Variants in KIF25 observed in about 807,000 individuals in gnomAD.
KIF25 encodes kinesin family member 25, also known as kinesin-like protein KIF25.
In KIF25, 19 loss-of-function variants were observed where a neutral mutation model predicts 32.9. The ratio of observed to expected loss-of-function variants is 0.58; its 90% confidence interval spans 0.40 to 0.85. The LOEUF is 0.85. Among genes scored for constraint, KIF25 ranks in the 40% least tolerant of loss-of-function variants. The pLI, the probability that KIF25 is intolerant of heterozygous loss-of-function variation, is 0.00. For missense variants in KIF25, 485 were observed against 507.0 expected (o/e 0.96, Z 0.42); for synonymous variants, 225 against 213.7 (o/e 1.05, Z -0.46).
chr6:168,032,436 A>T (rs541811089), intron 7 of KIF25, among the ~76,000 whole-genome samples: 67 of 152,380 alleles, frequency 4.4e-4, no homozygotes, highest in African/African-American at 1.6e-3. Context: ...TGGAAGAGAC[A>T]TAGCCTATAG....
intron 8 of KIF25, chr6:168,035,962 G>A (rs1799019850): frequency 9.1e-6 from 3 of 327,974 alleles, no homozygotes; most frequent in Non-Finnish European, 1.8e-5. Flanking sequence ...GAGCTTGGGT[G>A]TTCGTGACTC....
At chr6:168,002,925 C>T (rs553538336) in intron 3 of KIF25, among the ~76,000 whole-genome samples, 1 of 152,318 alleles carries the variant, frequency 6.6e-6, no homozygotes, top group South Asian at 2.1e-4. Flanking sequence ...CTCACATGCA[C>T]AGCTCACAGT....
At chr6:168,010,565 G>C (rs1310230245) in intron 4 of KIF25, among the ~76,000 whole-genome samples, 1 of 152,150 alleles carries the variant, frequency 6.6e-6, no homozygotes, top group Non-Finnish European at 1.5e-5. Context: ...CCTGAAGAAT[G>C]TTCCATTTGC....
intron 4 of KIF25, among the ~76,000 whole-genome samples, chr6:168,014,305 T>C (rs1037487396): frequency 2.0e-5 from 3 of 152,222 alleles, no homozygotes; most frequent in Non-Finnish European, 4.4e-5. Context: ...TTAACATCAC[T>C]GTTTGTTGTT....
intron 12 of KIF25, among the ~76,000 whole-genome samples, chr6:168,043,476 G>A (rs892594224): frequency 7.2e-5 from 11 of 152,192 alleles, no homozygotes; most frequent in African/African-American, 1.4e-4. Context: ...CTCGGGACTC[G>A]GGGAGGCTGG....
At chr6:168,002,000 G>A (rs1411384645) in intron 2 of KIF25, among the ~76,000 whole-genome samples, 2 of 133,536 alleles carry the variant, frequency 1.5e-5, no homozygotes, top group African/African-American at 2.7e-5. Context: ...TCAGGCAGGT[G>A]AGAAAGACAC....
chr6:168,029,460 C>A, intron 5 of KIF25, 32 bp from the exon 6 acceptor site: 1 of 1,439,900 alleles, frequency 6.9e-7, no homozygotes, highest in Non-Finnish European at 9.3e-7. Context: ...CGTGGTAATA[C>A]TGTTACGTTT....
At chr6:168,044,705 C>G in intron 12 of KIF25, 122 bp from the exon 13 acceptor site, 1 of 1,030,912 alleles carries the variant, frequency 9.7e-7, no homozygotes, top group Non-Finnish European at 1.4e-6. Context: ...TGGCCACTTT[C>G]CCGCTGGGGC....
chr6:168,040,945 C>A, intron 10 of KIF25, among the ~76,000 whole-genome samples: 1 of 152,222 alleles, frequency 6.6e-6, no homozygotes, highest in East Asian at 1.9e-4. Context: ...CAAACTTGAG[C>A]TGCGTCCAAT....
chr6:168,004,759 G>A (rs1051054604), intron 4 of KIF25, among the ~76,000 whole-genome samples: 4 of 152,136 alleles, frequency 2.6e-5, no homozygotes, highest in South Asian at 2.1e-4. Flanking sequence ...TCTTCACGAC[G>A]AGGGTTCAGG....
In KIF25 at chr6:168,045,001, A is replaced by G. The variant is rs368129579; in HGVS notation, c.*5A>G. 1.3e-6 allele frequency: 2 copies of G among 1,580,252 alleles called. No individual in the cohort carries two copies. Among genetic ancestry groups the G allele is most frequent in the Middle Eastern group, 1.7e-4 (1 of 5,906 alleles). On this transcript the variant is annotated 3_prime_UTR_variant, in exon 13 of 13. Coordinates refer to ENST00000643607, the MANE Select transcript of KIF25 (RefSeq NM_030615.4). Reference sequence around the variant, plus strand: ...GGGAAGAGGAGGCCGGATTGAATGCATTAACAAGTTTTTCTCCTAAAACTG... The same window carrying G: ...GGGAAGAGGAGGCCGGATTGAATGCGTTAACAAGTTTTTCTCCTAAAACTG...
intron 9 of KIF25, 140 bp downstream of exon 9, chr6:168,038,869 G>T: frequency 1.3e-6 from 1 of 752,654 alleles, no homozygotes; most frequent in Non-Finnish European, 2.1e-6. Flanking sequence ...GTGGTGGCCC[G>T]ATCAGTGCTC....
intron 4 of KIF25, among the ~76,000 whole-genome samples, chr6:168,008,484 A>G (rs1396499557): frequency 6.6e-6 from 1 of 152,106 alleles, no homozygotes; most frequent in Admixed American, 6.5e-5. Context: ...ATAGCTTTGT[A>G]ATATATTTTG....
intron 2 of KIF25, among the ~76,000 whole-genome samples, chr6:168,000,308 C>T (rs1190779848): frequency 4.3e-5 from 5 of 116,298 alleles, no homozygotes; most frequent in South Asian, 3.3e-4. Context: ...CCATCCTGAC[C>T]ACACCTGCCC....
intron 8 of KIF25, among the ~76,000 whole-genome samples, chr6:168,037,403 G>T (rs192167780): frequency 6.6e-6 from 1 of 152,292 alleles, no homozygotes; most frequent in Non-Finnish European, 1.5e-5. Flanking sequence ...CTTCCCGCCC[G>T]GTTCTCAGAA....
At chr6:168,008,255 G>A (rs997292502) in intron 4 of KIF25, among the ~76,000 whole-genome samples, 3 of 152,202 alleles carry the variant, frequency 2.0e-5, no homozygotes, top group Admixed American at 6.5e-5. Context: ...TCTGTATAGT[G>A]TAAGAGGTGG....
At chr6:168,031,962 G>C (rs1378795427) in intron 7 of KIF25, among the ~76,000 whole-genome samples, 5 of 152,174 alleles carry the variant, frequency 3.3e-5, no homozygotes, top group Non-Finnish European at 7.3e-5. Context: ...GTACATTTCA[G>C]GGAGACATGA....
At chr6:168,017,216 C>G (rs973674871) in intron 4 of KIF25, among the ~76,000 whole-genome samples, 1 of 152,240 alleles carries the variant, frequency 6.6e-6, no homozygotes, top group African/African-American at 2.4e-5. Flanking sequence ...GACACACACA[C>G]TACTAAGAAG....
At chr6:168,033,193 T>C (rs1354578955) in intron 7 of KIF25, among the ~76,000 whole-genome samples, 1 of 152,088 alleles carries the variant, frequency 6.6e-6, no homozygotes, top group African/African-American at 2.4e-5. Flanking sequence ...AATTACAAAA[T>C]ACAAAATTTT....
Sources: gnomAD v4.1 joint callset for allele counts (sites outside exome capture counted in the v4.1 genomes callset) on GRCh38, gnomAD v4.1.1 for gene constraint, MANE v1.5 for transcripts, NCBI Gene and HGNC (gene_info 2026-07-23, HGNC 2026-07-21) for gene names.